The following MYOZ3 variants were observed in gnomAD, a reference collection of about 807,000 sequenced individuals.
MYOZ3 encodes myozenin 3.
MYOZ3 carries 19 observed loss-of-function variants against 26.5 expected under a neutral mutation model. The observed-to-expected ratio is 0.72, with a 90% CI of 0.50 to 1.05. MYOZ3 has a LOEUF of 1.05. Among genes scored for constraint, MYOZ3 ranks in the 50% least tolerant of loss-of-function variants. The pLI is 0.00. For missense variants in MYOZ3, 322 were observed against 337.1 expected, an observed-to-expected ratio of 0.96 and a Z score of 0.35; for synonymous variants, 135 against 138.8, an observed-to-expected ratio of 0.97 and a Z score of 0.19.
At chr5:150,664,165 C>T (rs144689145) in intron 2 of MYOZ3, among the ~76,000 whole-genome samples, 2 of 152,230 alleles carry the variant, frequency 1.3e-5, no homozygotes, top group Admixed American at 6.5e-5. Flanking sequence ...TTGCCTTCAG[C>T]GTGCTAAGGA....
At chr5:150,672,916 C>G (rs565922390) in intron 6 of MYOZ3, 6 of 175,130 alleles carry the variant, frequency 3.4e-5, no homozygotes, top group African/African-American at 1.4e-4. Context: ...TGTGTGCTAC[C>G]TCTTTGATGA....
At chr5:150,662,812 T>A (rs1758754578) in intron 1 of MYOZ3, 129 bp from the exon 2 acceptor site, 1 of 767,922 alleles carries the variant, frequency 1.3e-6, no homozygotes. Flanking sequence ...AGCTCAGACA[T>A]CCCTTGCTTG....
rs1473933525 is a variant in MYOZ3, at chr5:150,670,581, G to T, written c.159G>T (p.Gln53His). 2.5e-6 allele frequency: 4 copies of T among 1,613,222 alleles called. No homozygotes were observed. In the African/African-American group the frequency reaches 5.3e-5, roughly 22 times the overall value. The stretch of plus-strand genomic sequence containing the variant: ...ACAACAGAGGGTCCCTCCTCTTCCA[G>T]AAGAGGCAGCGCCGTGTGCAGAAGT... ...LRNNRGSLLF[Q>H]KRQRRVQKFT... The change falls in exon 3 of 7, where the codon CAG becomes CAT. Residue 53 changes from glutamine to histidine, a missense_variant. Gln to His is a conservative substitution (Grantham distance 24, BLOSUM62 0). Coordinates refer to ENST00000517768, the MANE Select transcript of MYOZ3 (RefSeq NM_001122853.3).
At chr5:150,667,631 TACAAACAA>T (rs139735703) in intron 2 of MYOZ3, among the ~76,000 whole-genome samples, 2 of 151,900 alleles carry the variant, frequency 1.3e-5, no homozygotes, top group Non-Finnish European at 2.9e-5. Context: ...TCTCCATTTT[TACAAACAA>T]ACAAACAAAC....
chr5:150,669,391 G>A (rs183588566), intron 2 of MYOZ3, among the ~76,000 whole-genome samples: 258 of 150,974 alleles, frequency 1.7e-3, no homozygotes, highest in African/African-American at 5.8e-3. Context: ...AGGTTGCAGC[G>A]AGCCGAGATT....
rs565590324 is a variant in MYOZ3, at chr5:150,676,766, C to G, written c.647C>G (p.Pro216Arg). 2.2e-5 allele frequency: 36 copies of G among 1,614,098 alleles called. No homozygotes were observed. Among genetic ancestry groups the G allele is most frequent in the Middle Eastern group, 1.6e-4 (1 of 6,062 alleles). Reference sequence around the variant, plus strand: ...GGCACTTTTCCCAGGCCAGGCACCCCCTTCATCCCGGAGCCCCTCAGTGGC... The same window carrying G: ...GGCACTTTTCCCAGGCCAGGCACCCGCTTCATCCCGGAGCCCCTCAGTGGC... ...VGGTFPRPGT[P>R]FIPEPLSGLE... The change falls in exon 7 of 7, where the codon CCC (proline) becomes CGC (arginine). Residue 216 changes from proline to arginine, a missense_variant. By Grantham distance (103) the Pro-to-Arg change is moderately radical (BLOSUM62 -2). Coordinates refer to ENST00000517768, the MANE Select transcript of MYOZ3 (RefSeq NM_001122853.3).
In MYOZ3 at chr5:150,676,965, G is replaced by C; in HGVS notation, c.*90G>C. 7.4e-7 allele frequency: 1 copy of C among 1,343,574 alleles called. No homozygotes were observed. The highest frequency in any genetic ancestry group is 2.3e-5 in the East Asian group (1 of 42,842). 83.2% of individuals were successfully genotyped at this position (1,343,574 alleles called of 1,614,324 possible). ...GGACAGCACTTCACAGTTGAAGAAG[G>C]GCCTTCACACACAAAACCTGATTGC... On this transcript the variant is annotated 3_prime_UTR_variant, in exon 7 of 7. Transcript: ENST00000517768.
chr5:150,672,314 G>A, intron 5 of MYOZ3, 26 bp from the exon 6 acceptor site: 1 of 1,571,746 alleles, frequency 6.4e-7, no homozygotes, highest in East Asian at 2.3e-5. Context: ...AAGAACGGAG[G>A]CGCTCCCTTC....
At position 150,670,535 on chromosome 5, in the gene MYOZ3, T is replaced by C. The variant is rs768007968; in HGVS notation, c.113T>C (p.Met38Thr). The C allele has an allele frequency of 6.2e-7, 1 of 1,613,336 alleles. No homozygotes were observed. The highest frequency in any genetic ancestry group is 2.2e-5 in the East Asian group (1 of 44,870). The stretch of plus-strand genomic sequence containing the variant: ...CTGAGCGTGCCCCAGGACCTGATGA[T>C]GGAGGAGCTGTCACTACGCAACAAC... ...KKLSVPQDLM[M>T]EELSLRNNRG... is the part of the protein sequence containing the mutation. Residue 38 changes from methionine to threonine, a missense_variant, in exon 3 of 7, where the codon ATG (methionine) becomes ACG (threonine). Met to Thr is a moderately conservative substitution (Grantham distance 81, BLOSUM62 -1). Transcript: ENST00000517768.
chr5:150,678,834 A>G lies in MYOZ3; in HGVS notation c.*1959A>G, dbSNP rs1167682191. On this transcript the variant is annotated 3_prime_UTR_variant, in exon 7 of 7. Coordinates refer to ENST00000517768, the MANE Select transcript of MYOZ3 (RefSeq NM_001122853.3). ...AAGTTGTTCTTGCACTGGATGCAGC[A>G]TGAGAAGCTGGCTGCTAAGATGTCA... 1 of 152,434 alleles carries G rather than the reference A, an allele frequency of 6.6e-6. No homozygotes were observed. Among genetic ancestry groups the G allele is most frequent in the Non-Finnish European group, 1.5e-5 (1 of 68,084 alleles). 9.4% of individuals were successfully genotyped at this position (152,434 alleles called of 1,614,324 possible). A position where few individuals can be genotyped will look rare whatever the true frequency, so the allele number is the denominator to read the frequency against.
rs575082214 is a variant in MYOZ3 at position 150,672,287 on chromosome 5, T to C, written c.425-53T>C. On this transcript the variant is annotated intron_variant, in intron 5 of 6. Coordinates refer to ENST00000517768, the MANE Select transcript of MYOZ3 (RefSeq NM_001122853.3). Reference sequence around the variant, plus strand: ...GGAATGGGGGTGGGGCGAGGTGGGGTTGGGGGCTGAGGGTGGAAGAACGGA... The same window carrying C: ...GGAATGGGGGTGGGGCGAGGTGGGGCTGGGGGCTGAGGGTGGAAGAACGGA... 8 of 1,551,544 alleles carry C rather than the reference T, an allele frequency of 5.2e-6. No homozygotes were observed. The South Asian group carries it at 9.5e-5, about 18-fold the overall frequency.
At chr5:150,671,712 G>T in intron 4 of MYOZ3, 43 bp from the exon 5 acceptor site, 1 of 1,613,342 alleles carries the variant, frequency 6.2e-7, no homozygotes, top group Non-Finnish European at 8.5e-7. Flanking sequence ...GGCTGGGGGC[G>T]GGAGGTCGTC....
intron 2 of MYOZ3, 85 bp downstream of exon 2, chr5:150,663,087 A>C (rs758484185): frequency 1.4e-4 from 162 of 1,171,210 alleles, no homozygotes; most frequent in Non-Finnish European, 1.8e-4. Context: ...TGCTGGCCCC[A>C]GGCCTGGGCA....
chr5:150,671,823 C>T lies in MYOZ3; in HGVS notation c.339C>T (p.Pro113=). ...RSELHIFPAS[P]GASLGGPEGA... is the part of the protein sequence containing the mutation. ...AGCTCCACATCTTCCCGGCCTCACC[C>T]GGGGCCTCACTCGGGGGTCCCGAGG... Residue 113 remains proline, a synonymous_variant, in exon 5 of 7, where the codon CCC becomes CCT. Transcript: ENST00000517768. 1.9e-6 allele frequency: 3 copies of T among 1,611,466 alleles called. No homozygotes were observed. Among genetic ancestry groups the T allele is most frequent in the Non-Finnish European group, 2.5e-6 (3 of 1,179,618 alleles).
chr5:150,662,430 TCAAGCGTCAGGGCCAAGTGC>T (rs890917373), intron 1 of MYOZ3, among the ~76,000 whole-genome samples: 16 of 152,102 alleles, frequency 1.1e-4, no homozygotes, highest in African/African-American at 3.9e-4. Flanking sequence ...GCCTGTGCCC[TCAAGCGTCAGGGCCAAGTGC>T]CAAGGATGAA....
chr5:150,672,018 A>C, intron 5 of MYOZ3, 110 bp downstream of exon 5: 2 of 1,392,636 alleles, frequency 1.4e-6, no homozygotes, highest in Non-Finnish European at 1.9e-6. Flanking sequence ...CCCTTCCCCA[A>C]CACACACGCG....
chr5:150,675,414 C>T (rs1167647782), intron 6 of MYOZ3, among the ~76,000 whole-genome samples: 2 of 151,748 alleles, frequency 1.3e-5, no homozygotes, highest in African/African-American at 2.4e-5. Flanking sequence ...CTTTTGTGGC[C>T]CAGGCTGCAG....
At chr5:150,663,892 C>T (rs952954725) in intron 2 of MYOZ3, among the ~76,000 whole-genome samples, 1 of 150,832 alleles carries the variant, frequency 6.6e-6, no homozygotes, top group Non-Finnish European at 1.5e-5. Flanking sequence ...ACTCAGGAGG[C>T]TGAGGCAAGA....
At chr5:150,665,454 G>T (rs559051923) in intron 2 of MYOZ3, among the ~76,000 whole-genome samples, 1 of 152,118 alleles carries the variant, frequency 6.6e-6, no homozygotes, top group African/African-American at 2.4e-5. Context: ...CATCCACCAC[G>T]AGACTGAGTC....
Sources: gnomAD v4.1 joint callset for allele counts (sites outside exome capture counted in the v4.1 genomes callset) on GRCh38, gnomAD v4.1.1 for gene constraint, MANE v1.5 for transcripts, NCBI Gene and HGNC (gene_info 2026-07-23, HGNC 2026-07-21) for gene names.